TJP1: variants seen among roughly 807,000 people sequenced by gnomAD.
TJP1 encodes tight junction protein 1.
Under a neutral mutation model 194.2 loss-of-function variants are expected in TJP1, and 43 were observed. The ratio of observed to expected loss-of-function variants is 0.22; its 90% CI spans 0.17 to 0.29. TJP1 has a LOEUF of 0.29. TJP1 is among the 10% of genes least tolerant of loss of function. The pLI is 1.00. For synonymous variants in TJP1, 801 were observed against 779.0 expected (o/e 1.03, Z -0.47); for missense variants, 1,971 against 2,185.7 (o/e 0.90, Z 1.96).
At chr15:29,801,750 C>T (rs890655944) in intron 1 of TJP1, among the ~76,000 whole-genome samples, 8 of 152,084 alleles carry the variant, frequency 5.3e-5, no homozygotes, top group East Asian at 1.9e-4. Flanking sequence ...CGTGAGCCAC[C>T]GCGCCCGGCC....
chr15:29,815,210 C>T (rs2049828496), intron 1 of TJP1, among the ~76,000 whole-genome samples: 1 of 152,174 alleles, frequency 6.6e-6, no homozygotes, highest in Non-Finnish European at 1.5e-5. Context: ...AATAAAGATG[C>T]ACTCTAGGTC....
chr15:29,750,508 T>C (rs752516318), intron 8 of TJP1, among the ~76,000 whole-genome samples: 33 of 152,192 alleles, frequency 2.2e-4, no homozygotes, highest in Non-Finnish European at 3.2e-4. Context: ...ACTCCTGTTA[T>C]GTTTAATTTC....
intron 2 of TJP1, among the ~76,000 whole-genome samples, chr15:29,907,370 C>T (rs908226826): frequency 3.9e-5 from 6 of 152,104 alleles, no homozygotes; most frequent in African/African-American, 1.4e-4. Context: ...GATCGCACCA[C>T]TGCACTCCAG....
At chr15:29,723,529 A>T (rs541915242) in intron 18 of TJP1, among the ~76,000 whole-genome samples, 17 of 152,302 alleles carry the variant, frequency 1.1e-4, no homozygotes, top group African/African-American at 3.6e-4. Context: ...TCTTTTCTTT[A>T]TAAGTTACCC....
At chr15:29,740,853 T>C (rs146525456) in intron 10 of TJP1, among the ~76,000 whole-genome samples, 226 of 152,030 alleles carry the variant, frequency 1.5e-3, no homozygotes, top group African/African-American at 5.1e-3. Flanking sequence ...TGGCAATGTC[T>C]AGAGATAATT....
At position 29,842,323 on chromosome 15, in the gene TJP1, A is replaced by G. The variant is rs562281291; in HGVS notation, c.307-41621T>C. Among the ~76,000 whole-genome samples the G allele has an allele frequency of 4.6e-5, 7 of 152,348 alleles. No individual in the cohort carries two copies. The South Asian group carries it at 1.0e-3, about 23-fold the overall frequency. ...ATACATACATTTAAGAAAGATTAAT[A>G]AGAACAAGTAAGATAGCTATTTACT... On this transcript the variant is annotated intron_variant, in intron 2 of 28. Coordinates refer to the TJP1 transcript ENST00000356107.
chr15:29,722,624 A>T (rs1355911161), intron 18 of TJP1, among the ~76,000 whole-genome samples: 1 of 152,174 alleles, frequency 6.6e-6, no homozygotes, highest in Non-Finnish European at 1.5e-5. Context: ...GCCCCCCACC[A>T]GACAGTCCCC....
At chr15:29,949,721 ACCG>A (rs1228997273) in intron 2 of TJP1, among the ~76,000 whole-genome samples, 11 of 91,742 alleles carry the variant, frequency 1.2e-4, no homozygotes, top group African/African-American at 3.1e-4. Context: ...CATCACCTCC[ACCG>A]CCATCACCTC....
At chr15:29,704,493 T>C (rs2041767240) in intron 26 of TJP1, among the ~76,000 whole-genome samples, 188 bp from the exon 27 acceptor site, 1 of 152,216 alleles carries the variant, frequency 6.6e-6, no homozygotes, top group South Asian at 2.1e-4. Context: ...AGTAGCCACG[T>C]TAGAAAGTAA....
chr15:29,816,628 T>G (rs961714795), intron 1 of TJP1, among the ~76,000 whole-genome samples: 1 of 152,188 alleles, frequency 6.6e-6, no homozygotes, highest in Non-Finnish European at 1.5e-5. Context: ...GAAGCAAGTA[T>G]GCATTGATCA....
rs560902430 is a variant in TJP1, at chr15:29,942,532, T to C, written c.306+13700A>G. Among the ~76,000 whole-genome samples the C allele has an allele frequency of 8.4e-4, 128 of 152,380 alleles. 1 individual carries two copies. Among genetic ancestry groups the C allele is most frequent in the Non-Finnish European group, 1.6e-3 (111 of 68,042 alleles). ...AAATCTCCTACCAATTAGTTGTCAA[T>C]TGGCAAACTGCATTCAGACTGGCCT... On this transcript the variant is annotated intron_variant, in intron 2 of 28. Coordinates refer to the TJP1 transcript ENST00000356107.
chr15:29,924,471 C>T (rs2054464697), intron 2 of TJP1, among the ~76,000 whole-genome samples: 1 of 152,130 alleles, frequency 6.6e-6, no homozygotes, highest in South Asian at 2.1e-4. Context: ...AGCAAAAAGA[C>T]ATTAAAATGT....
rs752624113 is a variant in TJP1, at chr15:29,766,422, C to T, written c.433G>A (p.Gly145Ser). 5.6e-6 allele frequency: 9 copies of T among 1,614,158 alleles called. No homozygotes were observed. Among genetic ancestry groups the T allele is most frequent in the Non-Finnish European group, 7.6e-6 (9 of 1,180,036 alleles). Residue 145 changes from glycine (G) to serine (S), a missense_variant, in exon 5 of 28, where the codon GGT (glycine) becomes AGT (serine). Transcript: ENST00000614355. ...TTCTCACTCCTTCTGTTAACCACAC[C>T]ACTCCGGCCACTTCTTGGATCATGT... ...EIHDPRSGRS[G>S]VVNRRSEKIW...
chr15:29,734,652 T>A (rs567789212), intron 11 of TJP1, among the ~76,000 whole-genome samples: 1 of 151,920 alleles, frequency 6.6e-6, no homozygotes, highest in African/African-American at 2.4e-5. Flanking sequence ...CCCAGCTAAT[T>A]TTTTTATATT....
upstream of TJP1, chr15:29,823,937 T>G (rs1346761689): frequency 6.6e-6 from 1 of 150,758 alleles, no homozygotes; most frequent in Non-Finnish European, 1.5e-5. Flanking sequence ...AATACAAAAA[T>G]TAGCCTGGTG....
At chr15:29,715,181 C>G (rs1223348654) in intron 23 of TJP1, among the ~76,000 whole-genome samples, 1 of 152,064 alleles carries the variant, frequency 6.6e-6, no homozygotes, top group Non-Finnish European at 1.5e-5. Flanking sequence ...ATGAACCCAG[C>G]TGTGCACCTG....
chr15:29,902,783 C>T (rs2053672884), intron 2 of TJP1, among the ~76,000 whole-genome samples: 1 of 152,146 alleles, frequency 6.6e-6, no homozygotes, highest in African/African-American at 2.4e-5. Context: ...TGCCTGTAGT[C>T]CCAGCACTTT....
At chr15:29,745,585 C>T (rs2044717766) in intron 8 of TJP1, among the ~76,000 whole-genome samples, 1 of 152,136 alleles carries the variant, frequency 6.6e-6, no homozygotes, top group Non-Finnish European at 1.5e-5. Flanking sequence ...ATTATAAAGA[C>T]TTACATTTGA....
At chr15:29,861,335 C>T (rs1027193980) in intron 2 of TJP1, among the ~76,000 whole-genome samples, 2 of 152,196 alleles carry the variant, frequency 1.3e-5, no homozygotes, top group Non-Finnish European at 2.9e-5. Flanking sequence ...TTGATTACAG[C>T]CATCTTAGTG....
Sources: allele counts gnomAD v4.1 joint callset (sites outside exome capture counted in the v4.1 genomes callset), GRCh38; gene constraint gnomAD v4.1.1; transcripts MANE v1.5; gene names NCBI Gene and HGNC (gene_info 2026-07-23, HGNC 2026-07-21).